STKLD1: variants seen among roughly 807,000 people sequenced by gnomAD.
STKLD1 encodes serine/threonine kinase-like domain-containing protein STKLD1.
In STKLD1, 79 loss-of-function variants were observed where a neutral mutation model predicts 80.4. The ratio of observed to expected loss-of-function variants is 0.98; its 90% confidence interval spans 0.82 to 1.19. The LOEUF (loss-of-function observed/expected upper bound fraction) is 1.19, where lower values mean the gene tolerates loss of function less well. Among genes scored for constraint, STKLD1 ranks in the 50% most tolerant of loss-of-function variants. STKLD1 has a pLI of 0.00. For missense variants in STKLD1, 841 were observed against 856.0 expected, an observed-to-expected ratio of 0.98 and a Z score of 0.22; for synonymous variants, 393 against 357.6, an observed-to-expected ratio of 1.10 and a Z score of -1.12.
Position 133,403,934 on chromosome 9 carries a change from C to T in STKLD1, c.1618C>T (p.Gln540Ter). 1 of 1,607,488 alleles carries T rather than the reference C, an allele frequency of 6.2e-7. No individual in the cohort carries two copies. The highest frequency in any genetic ancestry group is 2.2e-5 in the East Asian group (1 of 44,786). The change falls in exon 16 of 18, where the codon CAG becomes TAG. Residue 540 changes from glutamine (Q) to a stop codon, truncating the protein, a stop_gained. Coordinates refer to ENST00000371957, the MANE Select transcript of STKLD1 (RefSeq NM_153710.5). LOFTEE classifies it high-confidence loss of function. ...LLSLLGCIKE[Q>*]QFEQVVALLL... is the part of the protein sequence containing the mutation. ...CCTTTCTGCAGGCTGCATCAAGGAG[C>T]AGCAGTTTGAACAAGTGGTGGCGCT...
chr9:133,405,295 G>A lies in STKLD1; in HGVS notation c.1917G>A (p.Leu639=), dbSNP rs1176828774. ...TGGTGTCCAGTAGTATGAAGGCCCTGCTCCAGGAGATCAAGGAGCGCTTCA... is the reference window on the plus strand; with the variant it reads ...TGGTGTCCAGTAGTATGAAGGCCCTACTCCAGGAGATCAAGGAGCGCTTCA... ...PELVSSSMKA[L]LQEIKERFTS... Residue 639 remains leucine, a synonymous_variant, in exon 18 of 18, where the codon CTG becomes CTA. Coordinates refer to ENST00000371957, the MANE Select transcript of STKLD1 (RefSeq NM_153710.5). 2.5e-6 allele frequency: 4 copies of A among 1,612,764 alleles called. No homozygotes were observed. The African/African-American group carries it at 4.0e-5, about 16-fold the overall frequency.
At chr9:133,401,328 G>A (rs966907004) in intron 12 of STKLD1, among the ~76,000 whole-genome samples, 4 of 151,906 alleles carry the variant, frequency 2.6e-5, no homozygotes, top group African/African-American at 7.3e-5. Flanking sequence ...TAGTAGAGAC[G>A]GGTTTCACCA....
rs1284418191 is a variant in STKLD1, at chr9:133,405,444, G to C, written c.*23G>C. ...TAGATGTTTGTATGGAACTGACCTT[G>C]ATCTCCACGTGTATAGTTTTCAAGA... On this transcript the variant is annotated 3_prime_UTR_variant, in exon 18 of 18. Coordinates refer to ENST00000371957, the MANE Select transcript of STKLD1 (RefSeq NM_153710.5). 2 of 1,581,614 alleles carry C rather than the reference G, an allele frequency of 1.3e-6. No homozygotes were observed. Among genetic ancestry groups the C allele is most frequent in the East Asian group, 4.5e-5 (2 of 44,440 alleles).
chr9:133,401,936 G>C, intron 13 of STKLD1, 58 bp downstream of exon 13: 1 of 1,593,522 alleles, frequency 6.3e-7, no homozygotes, highest in African/African-American at 1.3e-5. Flanking sequence ...CTTCCCAGGG[G>C]TCTTGGAAGG....
In STKLD1 at chr9:133,390,830, G is replaced by T. The variant is rs1564379082; in HGVS notation, c.583+34G>T. On this transcript the variant is annotated intron_variant, in intron 7 of 17. Coordinates refer to ENST00000371957, the MANE Select transcript of STKLD1 (RefSeq NM_153710.5). The surrounding 1 kb of genome is among the most constrained non-coding windows in gnomAD (Gnocchi z 5.1). ...GGCTCCCCCAGGTTGTGGGAGAGGG[G>T]GTTGGCGCCTAGAATCCAGGCGGCG... is the stretch of plus-strand genomic sequence containing the variant. 1.9e-6 allele frequency: 3 copies of T among 1,564,484 alleles called. No individual in the cohort carries two copies. The highest frequency in any genetic ancestry group is 1.1e-5 in the South Asian group (1 of 90,032).
rs782347583 is a variant in STKLD1, at chr9:133,397,279, G to C, written c.982G>C (p.Val328Leu). ...SITDMLLEGNVASILEVMQKF... is the reference protein window; with the variant it reads ...SITDMLLEGNLASILEVMQKF... ...CACCGACATGCTGTTAGAAGGCAACGTGGCCAGCATTTTAGGTGATGCTGG... is the reference window on the plus strand; with the variant it reads ...CACCGACATGCTGTTAGAAGGCAACCTGGCCAGCATTTTAGGTGATGCTGG... The change falls in exon 10 of 18, where the codon GTG becomes CTG. Residue 328 changes from valine to leucine, a missense_variant. Physicochemically the swap from Val to Leu is conservative, Grantham distance 32. Transcript: ENST00000371957. The C allele has an allele frequency of 3.7e-6, 6 of 1,613,646 alleles. No homozygotes were observed. The highest frequency in any genetic ancestry group is 1.7e-5 in the Admixed American group (1 of 60,014).
rs906881227 is a variant in STKLD1 at position 133,383,714 on chromosome 9, T to C, written c.175-142T>C. On this transcript the variant is annotated intron_variant, in intron 2 of 17. Transcript: ENST00000371957. ...ACAGTGATGGTGGTGTTGGTTGTGG[T>C]TGTGGTAATGATGGTGATGGTTGTG... The C allele has an allele frequency of 2.2e-4, 167 of 743,320 alleles. No homozygotes were observed. The African/African-American group carries it at 2.8e-3, about 12-fold the overall frequency. 46.0% of individuals were successfully genotyped at this position (743,320 alleles called of 1,614,324 possible). A position where few individuals can be genotyped will look rare whatever the true frequency, so the allele number is the denominator to read the frequency against.
chr9:133,403,260 A>G (rs997184943), intron 14 of STKLD1, among the ~76,000 whole-genome samples: 1 of 152,254 alleles, frequency 6.6e-6, no homozygotes, highest in Non-Finnish European at 1.5e-5. Context: ...CCCAGTGGGC[A>G]GACCCCTCAG....
chr9:133,404,883 G>A lies in STKLD1; in HGVS notation c.1827G>A (p.Glu609=). The change falls in exon 17 of 18, where the codon GAG becomes GAA. Residue 609 remains glutamate (E), a synonymous_variant. Transcript: ENST00000371957. ...ACCAGCTCCACAGGGACGACCCGGA[G>A]GTGGTGGAGAACGTGGGCATGCTGC... The part of the protein sequence containing the change: ...ETYQLHRDDP[E]VVENVGMLLV... 1 of 1,613,404 alleles carries A rather than the reference G, an allele frequency of 6.2e-7. No individual in the cohort carries two copies. The highest frequency in any genetic ancestry group is 8.5e-7 in the Non-Finnish European group (1 of 1,179,788).
intron 8 of STKLD1, among the ~76,000 whole-genome samples, chr9:133,395,038 G>T (rs1024609545): frequency 6.6e-6 from 1 of 152,140 alleles, no homozygotes; most frequent in Admixed American, 6.5e-5. Context: ...AGTGGGGAAG[G>T]CCTGCCATGC....
chr9:133,381,217 T>A (rs1478977294), intron 2 of STKLD1, among the ~76,000 whole-genome samples: 2 of 145,948 alleles, frequency 1.4e-5, no homozygotes, highest in East Asian at 4.1e-4. Flanking sequence ...CAGCTCACTG[T>A]AACCTCTGCC....
intron 10 of STKLD1, 110 bp downstream of exon 10, chr9:133,397,404 C>G (rs1838589882): frequency 7.0e-7 from 1 of 1,421,884 alleles, no homozygotes; most frequent in South Asian, 1.3e-5. Context: ...TGGCCTTGCT[C>G]CACATGCACG....
At chr9:133,387,756 G>C (rs2130280724) in intron 5 of STKLD1, 9 of 670,048 alleles carry the variant, frequency 1.3e-5, no homozygotes, top group Non-Finnish European at 2.2e-5. Flanking sequence ...CTTCCACCCA[G>C]ATCAAGACAG....
intron 9 of STKLD1, chr9:133,396,002 G>T: frequency 2.4e-6 from 1 of 409,206 alleles, no homozygotes. Context: ...CACAGGAGGC[G>T]TAGCCCCCAG....
Position 133,394,490 on chromosome 9 carries a change from G to C in STKLD1, c.702+81G>C. 5 of 1,003,942 alleles carry C rather than the reference G, an allele frequency of 5.0e-6. No homozygotes were observed. The Admixed American group carries it at 6.9e-5, about 14-fold the overall frequency. The allele number at this position is 1,003,942 out of a possible 1,614,324, so 62.2% of individuals were successfully genotyped here. A position where few individuals can be genotyped will look rare whatever the true frequency, so the allele number is the denominator to read the frequency against. ...TGGGGAAAAGGCTTGGCCTCACCCTGCCTCCCCTCTGCATCCCTTCCCCTG... is the reference window on the plus strand; with the variant it reads ...TGGGGAAAAGGCTTGGCCTCACCCTCCCTCCCCTCTGCATCCCTTCCCCTG... On this transcript the variant is annotated intron_variant, in intron 8 of 17. Transcript: ENST00000371957. The surrounding 1 kb of genome is among the most constrained non-coding windows in gnomAD (Gnocchi z 4.9).
chr9:133,397,921 C>T (rs782522978), intron 10 of STKLD1, 51 bp from the exon 11 acceptor site: 10 of 1,507,890 alleles, frequency 6.6e-6, no homozygotes, highest in Middle Eastern at 1.7e-4. Context: ...AACAGAGCCC[C>T]GAGGCCCTGG....
chr9:133,402,838 A>G, intron 13 of STKLD1, 40 bp from the exon 14 acceptor site: 1 of 1,580,378 alleles, frequency 6.3e-7, no homozygotes, highest in African/African-American at 1.3e-5. Context: ...GGCTTCCTGG[A>G]GGGAGGGGCC....
chr9:133,391,159 G>A (rs2130288341), intron 7 of STKLD1, among the ~76,000 whole-genome samples: 3 of 151,026 alleles, frequency 2.0e-5, no homozygotes, highest in Admixed American at 6.6e-5. Flanking sequence ...CCCCCCGCCC[G>A]GCCAGCCGCC....
chr9:133,391,402 G>C (rs1203780717), intron 7 of STKLD1, among the ~76,000 whole-genome samples: 1 of 151,422 alleles, frequency 6.6e-6, no homozygotes, highest in Non-Finnish European at 1.5e-5. Context: ...TGATGGCAAT[G>C]GCGGTTTTGT....
Sources: allele counts gnomAD v4.1 joint callset (sites outside exome capture counted in the v4.1 genomes callset), GRCh38; gene constraint gnomAD v4.1.1; non-coding constraint Gnocchi (gnomAD v3.1); transcripts MANE v1.5; gene names NCBI Gene and HGNC (gene_info 2026-07-23, HGNC 2026-07-21).